AGBL4: variants seen among roughly 807,000 people sequenced by gnomAD.
AGBL4 encodes the protein cytosolic carboxypeptidase 6.
In AGBL4, 58 loss-of-function variants were observed where a neutral mutation model predicts 66.4. That is an observed-to-expected ratio of 0.87 (90% CI 0.71 to 1.09). The LOEUF (loss-of-function observed/expected upper bound fraction) is 1.09. Among genes scored for constraint, AGBL4 ranks in the 50% least tolerant of loss-of-function variants. AGBL4 has a pLI of 0.00. For missense variants in AGBL4, 579 were observed against 631.0 expected, an observed-to-expected ratio of 0.92 and a Z score of 0.88; for synonymous variants, 234 against 222.9, an observed-to-expected ratio of 1.05 and a Z score of -0.44.
chr1:49,774,636 T>G (rs1443624187), intron 2 of AGBL4, among the ~76,000 whole-genome samples: 1 of 152,222 alleles, frequency 6.6e-6, no homozygotes, highest in Non-Finnish European at 1.5e-5. Flanking sequence ...AAGATATCTT[T>G]TCTTCTCTCA....
chr1:49,917,236 T>A (rs561836948), intron 1 of AGBL4, among the ~76,000 whole-genome samples: 2 of 151,972 alleles, frequency 1.3e-5, no homozygotes, highest in Non-Finnish European at 2.9e-5. Context: ...CACATAACAA[T>A]ATTAACCTTA....
intron 5 of AGBL4, among the ~76,000 whole-genome samples, chr1:48,882,169 C>T (rs976078865): frequency 6.6e-6 from 1 of 152,264 alleles, no homozygotes. Context: ...GTCTTTATGT[C>T]ATGTGAAAAC....
At chr1:48,565,256 T>C (rs975384688) in intron 11 of AGBL4, among the ~76,000 whole-genome samples, 1 of 152,048 alleles carries the variant, frequency 6.6e-6, no homozygotes, top group Non-Finnish European at 1.5e-5. Flanking sequence ...GGGTTAACTC[T>C]GGGGGTCTGA....
chr1:49,367,169 G>A (rs551153403), intron 3 of AGBL4, among the ~76,000 whole-genome samples: 99 of 152,268 alleles, frequency 6.5e-4, no homozygotes, highest in Admixed American at 1.2e-3. Flanking sequence ...TAGTGATACA[G>A]CTTGGATTTA....
intron 3 of AGBL4, among the ~76,000 whole-genome samples, chr1:49,259,957 C>A (rs1362363189): frequency 5.9e-5 from 9 of 151,984 alleles, no homozygotes; most frequent in Non-Finnish European, 1.2e-4. Context: ...AACAAACTGT[C>A]TCTCAGACCA....
intron 5 of AGBL4, among the ~76,000 whole-genome samples, chr1:48,908,622 C>T (rs1424805208): frequency 6.6e-6 from 1 of 152,178 alleles, no homozygotes; most frequent in Admixed American, 6.5e-5. Flanking sequence ...TGATTTAATT[C>T]TCACATCACC....
chr1:48,611,129 G>A (rs1280025780), intron 9 of AGBL4, among the ~76,000 whole-genome samples: 1 of 152,242 alleles, frequency 6.6e-6, no homozygotes, highest in Non-Finnish European at 1.5e-5. Flanking sequence ...CAGCTGCCCT[G>A]ATATCTGTTT....
At chr1:49,875,022 G>C (rs1258911621) in intron 1 of AGBL4, among the ~76,000 whole-genome samples, 2 of 130,996 alleles carry the variant, frequency 1.5e-5, no homozygotes, top group Admixed American at 9.0e-5. Context: ...TCCCCTTCCT[G>C]TGTCCATGTA....
chr1:48,897,993 A>G (rs1171388243), intron 5 of AGBL4, among the ~76,000 whole-genome samples: 2 of 151,634 alleles, frequency 1.3e-5, no homozygotes, highest in African/African-American at 4.8e-5. Context: ...TTGTATTTTT[A>G]GTAGAGATGG....
intron 9 of AGBL4, among the ~76,000 whole-genome samples, chr1:48,599,301 C>A (rs747873027): frequency 6.6e-6 from 1 of 152,130 alleles, no homozygotes; most frequent in Non-Finnish European, 1.5e-5. Context: ...AACATAGTTA[C>A]GTATTATTAT....
intron 11 of AGBL4, among the ~76,000 whole-genome samples, chr1:48,540,964 G>A (rs1289196619): frequency 6.6e-6 from 1 of 152,180 alleles, no homozygotes; most frequent in African/African-American, 2.4e-5. Flanking sequence ...AAACACTTCA[G>A]TGGTTCTCAG....
In AGBL4 at chr1:48,689,219, A is replaced by AAAAAAAAAG. The variant is rs1553207682; in HGVS notation, c.635-25979_635-25978insCTTTTTTTT. Among the ~76,000 whole-genome samples, 221 of 141,550 alleles carry AAAAAAAAAG rather than the reference A, an allele frequency of 1.6e-3. 3 individuals carry two copies. The highest frequency in any genetic ancestry group is 6.4e-3 in the African/African-American group (207 of 32,330). 92.9% of individuals were successfully genotyped at this position (141,550 alleles called of 152,430 possible). ...ACCCGGTCTCAAAAAAAAAAAAAAA[A>AAAAAAAAAG]AAAAGAAAAGAAAAGAAAAGAAACA... On this transcript the variant is annotated intron_variant, in intron 6 of 13. Transcript: ENST00000371839.
intron 2 of AGBL4, among the ~76,000 whole-genome samples, chr1:49,792,704 T>C (rs939408497): frequency 6.6e-6 from 1 of 152,002 alleles, no homozygotes; most frequent in African/African-American, 2.4e-5. Flanking sequence ...AATGCTCTTG[T>C]CACTGGTCTC....
At chr1:49,291,091 C>A (rs539846787) in intron 3 of AGBL4, among the ~76,000 whole-genome samples, 2 of 152,106 alleles carry the variant, frequency 1.3e-5, no homozygotes, top group Non-Finnish European at 2.9e-5. Context: ...AGCAGATTTG[C>A]GGATGTGCAG....
intron 4 of AGBL4, among the ~76,000 whole-genome samples, chr1:49,184,817 C>T (rs1328736614): frequency 4.6e-5 from 7 of 152,092 alleles, no homozygotes; most frequent in Non-Finnish European, 1.0e-4. Context: ...AAGTGTGTGA[C>T]CTTGGCATCT....
At chr1:49,659,584 A>G (rs1331058179) in intron 3 of AGBL4, among the ~76,000 whole-genome samples, 1 of 152,198 alleles carries the variant, frequency 6.6e-6, no homozygotes, top group Non-Finnish European at 1.5e-5. Flanking sequence ...GGTTCAATTC[A>G]ACAAGAAGTG....
chr1:48,641,891 G>C (rs1422694709), intron 8 of AGBL4, among the ~76,000 whole-genome samples: 1 of 152,138 alleles, frequency 6.6e-6, no homozygotes, highest in Non-Finnish European at 1.5e-5. Context: ...GCAGTGAGAG[G>C]TAGATGCAAT....
intron 3 of AGBL4, among the ~76,000 whole-genome samples, chr1:49,511,403 A>G (rs970656858): frequency 1.4e-5 from 2 of 141,432 alleles, no homozygotes; most frequent in African/African-American, 5.2e-5. Flanking sequence ...GGAATTGAAC[A>G]ATGAGATCAC....
intron 5 of AGBL4, among the ~76,000 whole-genome samples, chr1:48,938,003 T>A (rs1237568497): frequency 2.6e-5 from 4 of 152,144 alleles, no homozygotes. Flanking sequence ...CTTCTCTGAG[T>A]CTCAATTTCC....
Sources: gnomAD v4.1 joint callset for allele counts (sites outside exome capture counted in the v4.1 genomes callset) on GRCh38, gnomAD v4.1.1 for gene constraint, MANE v1.5 for transcripts, NCBI Gene and HGNC (gene_info 2026-07-23, HGNC 2026-07-21) for gene names.